ZNF804A: variants seen among roughly 807,000 people sequenced by gnomAD.
ZNF804A encodes zinc finger protein 804A.
ZNF804A carries 2 observed loss-of-function variants against 16.5 expected under a neutral mutation model. That is an observed-to-expected ratio of 0.12 (90% CI 0.05 to 0.38). ZNF804A has a LOEUF of 0.38. ZNF804A is among the 10% of genes least tolerant of loss of function. The pLI, the probability that ZNF804A is intolerant of heterozygous loss-of-function variation, is 0.99. For synonymous variants in ZNF804A, 534 were observed against 489.6 expected, an observed-to-expected ratio of 1.09 and a Z score of -1.20; for missense variants, 1,473 against 1,390.7, an observed-to-expected ratio of 1.06 and a Z score of -0.94.
At chr2:184,906,567 C>T (rs1040393860) in intron 2 of ZNF804A, among the ~76,000 whole-genome samples, 1 of 152,046 alleles carries the variant, frequency 6.6e-6, no homozygotes, top group African/African-American at 2.4e-5. Context: ...TCTCAGAGTG[C>T]TGGGATTATG....
intron 1 of ZNF804A, among the ~76,000 whole-genome samples, chr2:184,660,988 A>G (rs1358104395): frequency 6.6e-6 from 1 of 152,242 alleles, no homozygotes; most frequent in African/African-American, 2.4e-5. Flanking sequence ...CAATGAACTA[A>G]TATGTTTTTC....
chr2:184,845,817 T>C (rs1324007961), intron 1 of ZNF804A, among the ~76,000 whole-genome samples: 4 of 152,076 alleles, frequency 2.6e-5, no homozygotes, highest in Non-Finnish European at 5.9e-5. Flanking sequence ...AGAGTTTCTG[T>C]ATATTACACA....
chr2:184,703,118 T>C (rs540909154), intron 1 of ZNF804A, among the ~76,000 whole-genome samples: 1 of 152,320 alleles, frequency 6.6e-6, no homozygotes, highest in African/African-American at 2.4e-5. Flanking sequence ...AAGGCTTCTT[T>C]TTCTTACATT....
chr2:184,635,369 G>C (rs1470741251), intron 1 of ZNF804A, among the ~76,000 whole-genome samples: 1 of 152,062 alleles, frequency 6.6e-6, no homozygotes, highest in African/African-American at 2.4e-5. Flanking sequence ...CTGTCTACTT[G>C]CTTTTATTTA....
At chr2:184,877,764 A>G (rs1684731442) in intron 2 of ZNF804A, among the ~76,000 whole-genome samples, 1 of 152,116 alleles carries the variant, frequency 6.6e-6, no homozygotes, top group Non-Finnish European at 1.5e-5. Context: ...TCAAAATGCC[A>G]AGGATCATGA....
At chr2:184,832,391 TTC>T in intron 1 of ZNF804A, among the ~76,000 whole-genome samples, 1 of 152,104 alleles carries the variant, frequency 6.6e-6, no homozygotes, top group African/African-American at 2.4e-5. Context: ...TAAATGCTTA[TTC>T]TTCATGAATA....
chr2:184,827,476 A>C (rs1454902835), intron 1 of ZNF804A, among the ~76,000 whole-genome samples: 3 of 146,548 alleles, frequency 2.0e-5, no homozygotes, highest in African/African-American at 7.4e-5. Context: ...ATACTATAAT[A>C]TATATTTATA....
intron 1 of ZNF804A, among the ~76,000 whole-genome samples, chr2:184,725,356 A>G (rs1693391047): frequency 6.6e-6 from 1 of 151,726 alleles, no homozygotes; most frequent in Non-Finnish European, 1.5e-5. Context: ...TCTTCTTAAT[A>G]AAATTTAAAT....
intron 1 of ZNF804A, among the ~76,000 whole-genome samples, chr2:184,660,348 T>TA (rs957343215): frequency 9.9e-5 from 15 of 152,250 alleles, no homozygotes; most frequent in Admixed American, 2.0e-4. Context: ...AAATACTTTA[T>TA]AAAAAAAATC....
intron 2 of ZNF804A, among the ~76,000 whole-genome samples, chr2:184,867,217 T>A (rs573427626): frequency 1.3e-4 from 20 of 152,250 alleles, no homozygotes; most frequent in Admixed American, 1.2e-3. Context: ...ATATGCCTTA[T>A]ATTTACCAAT....
intron 1 of ZNF804A, among the ~76,000 whole-genome samples, chr2:184,794,256 T>G (rs1558963486): frequency 6.6e-6 from 1 of 152,258 alleles, no homozygotes; most frequent in East Asian, 1.9e-4. Flanking sequence ...TTTTTTATTA[T>G]GTCCATCCTT....
chr2:184,669,988 T>A (rs1692318070), intron 1 of ZNF804A, among the ~76,000 whole-genome samples: 2 of 152,148 alleles, frequency 1.3e-5, no homozygotes, highest in African/African-American at 4.8e-5. Context: ...ATACTAATGT[T>A]TGTTCATATG....
At position 184,647,121 on chromosome 2, in the gene ZNF804A, T is replaced by A. The variant is rs115640396; in HGVS notation, c.111+48051T>A. Among the ~76,000 whole-genome samples, 407 of 152,284 alleles carry A rather than the reference T, an allele frequency of 2.7e-3. 1 individual carries two copies. Among genetic ancestry groups the A allele is most frequent in the African/African-American group, 9.0e-3 (374 of 41,552 alleles). On this transcript the variant is annotated intron_variant, in intron 1 of 3. Coordinates refer to ENST00000302277, the MANE Select transcript of ZNF804A (RefSeq NM_194250.2). ...CTGTCTAAAGAAATGCATAGGTTTA[T>A]AGAAGTTAAGCCAAAACAGCCTACC... is the stretch of plus-strand genomic sequence containing the variant.
At chr2:184,829,960 G>A (rs1401170280) in intron 1 of ZNF804A, among the ~76,000 whole-genome samples, 2 of 137,110 alleles carry the variant, frequency 1.5e-5, no homozygotes, top group African/African-American at 5.5e-5. Context: ...CACACAAATG[G>A]ACTGGATATG....
intron 1 of ZNF804A, among the ~76,000 whole-genome samples, chr2:184,774,097 A>T (rs2105770300): frequency 6.6e-6 from 1 of 152,006 alleles, no homozygotes; most frequent in African/African-American, 2.4e-5. Flanking sequence ...TGCCTTTTTT[A>T]GGTATTTTGT....
At chr2:184,892,778 C>T (rs979895771) in intron 2 of ZNF804A, among the ~76,000 whole-genome samples, 7 of 152,184 alleles carry the variant, frequency 4.6e-5, no homozygotes, top group African/African-American at 1.7e-4. Flanking sequence ...CCACTGCACT[C>T]AGCTGTGTTC....
intron 2 of ZNF804A, among the ~76,000 whole-genome samples, chr2:184,932,219 T>G (rs1247542738): frequency 6.6e-6 from 1 of 152,170 alleles, no homozygotes; most frequent in Non-Finnish European, 1.5e-5. Flanking sequence ...CACTTCCACA[T>G]TTGCAGGTAT....
intron 2 of ZNF804A, among the ~76,000 whole-genome samples, chr2:184,897,400 C>A (rs929582142): frequency 7.5e-6 from 1 of 134,166 alleles, no homozygotes; most frequent in African/African-American, 2.5e-5. Context: ...TTCCATACAG[C>A]AATTTTTGGA....
chr2:184,934,025 G>A (rs1031052569), intron 3 of ZNF804A, among the ~76,000 whole-genome samples: 2 of 152,050 alleles, frequency 1.3e-5, no homozygotes, highest in African/African-American at 4.8e-5. Context: ...ATTTCTTGGT[G>A]ATACTCAAAC....
Sources: gnomAD v4.1 joint callset for allele counts (sites outside exome capture counted in the v4.1 genomes callset) on GRCh38, gnomAD v4.1.1 for gene constraint, MANE v1.5 for transcripts, NCBI Gene and HGNC (gene_info 2026-07-23, HGNC 2026-07-21) for gene names.